The following TTK variants were observed in gnomAD, a reference collection of about 807,000 sequenced individuals.
The protein encoded by TTK is dual specificity protein kinase TTK.
Under a neutral mutation model 117.3 loss-of-function variants are expected in TTK, and 59 were observed. The observed-to-expected ratio is 0.50, with a 90% confidence interval of 0.41 to 0.62. The LOEUF (loss-of-function observed/expected upper bound fraction) is 0.62, where lower values mean the gene tolerates loss of function less well. Ranked by LOEUF, TTK falls within the 20% of genes least tolerant of loss-of-function variation. The pLI, the probability that TTK is intolerant of heterozygous loss-of-function variation, is 0.00. For missense variants in TTK, 921 were observed against 989.4 expected (o/e 0.93, Z 0.93); for synonymous variants, 302 against 325.0 (o/e 0.93, Z 0.76).
At chr6:80,012,867 A>G (rs1448884253) in intron 8 of TTK, among the ~76,000 whole-genome samples, 2 of 151,982 alleles carry the variant, frequency 1.3e-5, no homozygotes, top group Non-Finnish European at 2.9e-5. Context: ...AAACAGAAAA[A>G]CTGCAGCCAT....
intron 5 of TTK, 98 bp from the exon 6 acceptor site, chr6:80,011,336 C>T: frequency 5.0e-6 from 4 of 794,610 alleles, no homozygotes; most frequent in Non-Finnish European, 7.6e-6. Context: ...CAAGTATTTC[C>T]TATGAATTGA....
At chr6:80,008,308 G>A in intron 3 of TTK, 78 bp from the exon 4 acceptor site, 4 of 1,403,274 alleles carry the variant, frequency 2.9e-6, no homozygotes, top group Non-Finnish European at 3.9e-6. Flanking sequence ...ATGTTTTTTG[G>A]AAAATTGAAT....
At position 80,040,705 on chromosome 6, in the gene TTK, T is replaced by TA; in HGVS notation, c.2490+4dup. ...AACTCCATTTTGAAAGCTGCTAAAG[T>TA]AAGTATGTCTATTCTTTACATTAAT... On this transcript the variant is annotated splice_region_variant and intron_variant, in intron 21 of 21. Coordinates refer to ENST00000369798, the MANE Select transcript of TTK (RefSeq NM_003318.5). 6.2e-7 allele frequency: 1 copy of TA among 1,610,390 alleles called. No individual in the cohort carries two copies. Among genetic ancestry groups the TA allele is most frequent in the Non-Finnish European group, 8.5e-7 (1 of 1,177,696 alleles).
At chr6:80,038,311 T>C (rs1767960916) in intron 18 of TTK, among the ~76,000 whole-genome samples, 1 of 152,198 alleles carries the variant, frequency 6.6e-6, no homozygotes, top group Non-Finnish European at 1.5e-5. Flanking sequence ...TTTATCTCGC[T>C]ACCTCGATGA....
intron 9 of TTK, 88 bp from the exon 10 acceptor site, chr6:80,014,373 GTA>G (rs1767247655): frequency 8.3e-7 from 1 of 1,201,786 alleles, no homozygotes; most frequent in Admixed American, 2.9e-5. Context: ...AGCAATCCAT[GTA>G]TAGATAAGAC....
chr6:80,028,346 C>T (rs900339282), intron 13 of TTK, among the ~76,000 whole-genome samples: 11 of 151,570 alleles, frequency 7.3e-5, no homozygotes, highest in African/African-American at 2.4e-4. Context: ...GAGACAGAGT[C>T]TCGCTCTATT....
chr6:80,040,170 C>G (rs373423102), intron 19 of TTK, 26 bp from the exon 20 acceptor site: 4 of 1,502,134 alleles, frequency 2.7e-6, no homozygotes, highest in Non-Finnish European at 3.6e-6. Context: ...CTTTGTTTTT[C>G]TTTTAAAATA....
chr6:80,012,081 AT>A, intron 8 of TTK, 101 bp downstream of exon 8: 2 of 888,580 alleles, frequency 2.3e-6, no homozygotes, highest in Non-Finnish European at 3.3e-6. Context: ...TTATGATTAA[AT>A]TTTTATTCAG....
rs963881012 is a variant in TTK at position 80,028,675 on chromosome 6, T to C, written c.1521+664T>C. On this transcript the variant is annotated intron_variant, in intron 13 of 21. Transcript: ENST00000369798. Reference sequence around the variant, plus strand: ...TAGTGAGCAGCTTCATTTTGTTTGTTAGTATACAATTCATTTGGAAATGTA... The same window carrying C: ...TAGTGAGCAGCTTCATTTTGTTTGTCAGTATACAATTCATTTGGAAATGTA... Among the ~76,000 whole-genome samples, 3 of 152,300 alleles carry C rather than the reference T, an allele frequency of 2.0e-5. No homozygotes were observed. In the South Asian group the frequency reaches 6.2e-4, roughly 32 times the overall value.
intron 17 of TTK, among the ~76,000 whole-genome samples, chr6:80,037,315 G>A (rs181333565): frequency 2.0e-5 from 3 of 152,176 alleles, no homozygotes; most frequent in Non-Finnish European, 2.9e-5. Context: ...AAGTATGGCA[G>A]ATCAATGAGT....
chr6:80,019,917 TAATA>T (rs1334939737), intron 10 of TTK, among the ~76,000 whole-genome samples: 1 of 152,174 alleles, frequency 6.6e-6, no homozygotes, highest in Non-Finnish European at 1.5e-5. Context: ...TTATTTTTAT[TAATA>T]ATTTTAAAAT....
chr6:80,005,812 G>A, intron 1 of TTK, 30 bp from the exon 2 acceptor site: 2 of 1,593,648 alleles, frequency 1.3e-6, no homozygotes, highest in Middle Eastern at 1.7e-4. Context: ...AGTTAAAGTA[G>A]GAGTTATGAC....
At chr6:80,018,538 C>T (rs908822622) in intron 10 of TTK, among the ~76,000 whole-genome samples, 5 of 150,012 alleles carry the variant, frequency 3.3e-5, no homozygotes, top group East Asian at 2.0e-4. Flanking sequence ...GCAGGAGAAT[C>T]GCTTGAACCT....
intron 1 of TTK, 77 bp from the exon 2 acceptor site, chr6:80,005,765 G>A (rs1188977320): frequency 3.3e-5 from 51 of 1,526,524 alleles, no homozygotes; most frequent in Middle Eastern, 4.3e-4. Context: ...TAGTCGTCTG[G>A]GTTCTAAAAA....
intron 1 of TTK, 186 bp from the exon 2 acceptor site, chr6:80,005,656 A>C: frequency 3.6e-6 from 2 of 550,226 alleles, no homozygotes; most frequent in Non-Finnish European, 6.1e-6. Flanking sequence ...ACCTTGGTGA[A>C]TAAATTACAA....
chr6:80,035,221 A>T (rs1767863825), intron 15 of TTK, 45 bp from the exon 16 acceptor site: 1 of 1,552,466 alleles, frequency 6.4e-7, no homozygotes, highest in African/African-American at 1.4e-5. Context: ...CTTTAATATA[A>T]CCTAGCCATT....
chr6:80,013,601 T>C, intron 9 of TTK: 1 of 333,200 alleles, frequency 3.0e-6, no homozygotes, highest in Non-Finnish European at 5.4e-6. Context: ...AAGAGAATCA[T>C]GAAGTAATAT....
chr6:80,036,547 G>T lies in TTK; in HGVS notation c.1997G>T (p.Gly666Val), dbSNP rs780429336. The T allele has an allele frequency of 6.2e-7, 1 of 1,610,844 alleles. No individual in the cohort carries two copies. The highest frequency in any genetic ancestry group is 8.5e-7 in the Non-Finnish European group (1 of 1,178,540). ...VDGMLKLIDFGIANQMQPDTT... is the reference protein window; with the variant it reads ...VDGMLKLIDFVIANQMQPDTT... ...GGAATGCTAAAGCTAATTGATTTTG[G>T]GATTGCAAACCAAATGCAACCAGAT... Residue 666 changes from glycine to valine, a missense_variant, in exon 17 of 22, where the codon GGG becomes GTG. Physicochemically the swap from Gly to Val is moderately radical, Grantham distance 109 (BLOSUM62 -3). Coordinates refer to ENST00000369798, the MANE Select transcript of TTK (RefSeq NM_003318.5).
Position 80,042,223 on chromosome 6 carries a change from C to T in TTK, c.*21C>T. 16 of 1,535,714 alleles carry T rather than the reference C, an allele frequency of 1.0e-5. No homozygotes were observed. The highest frequency in any genetic ancestry group is 1.4e-5 in the Non-Finnish European group (16 of 1,120,028). On this transcript the variant is annotated 3_prime_UTR_variant, in exon 22 of 22. Transcript: ENST00000369798. ...AATGATTTGCAGTTATTCGTAATGT[C>T]AGATACCACCTATAAAATATATTGG...
Sources: allele counts gnomAD v4.1 joint callset (sites outside exome capture counted in the v4.1 genomes callset), GRCh38; gene constraint gnomAD v4.1.1; transcripts MANE v1.5; gene names NCBI Gene and HGNC (gene_info 2026-07-23, HGNC 2026-07-21).